Variants in LRRC7 observed in about 807,000 individuals in gnomAD.
LRRC7 encodes the protein leucine-rich repeat-containing protein 7.
In LRRC7, 23 loss-of-function variants were observed where a neutral mutation model predicts 175.7. That is an observed-to-expected ratio of 0.13 (90% confidence interval 0.09 to 0.19). LRRC7 has a LOEUF of 0.19. Among genes scored for constraint, LRRC7 ranks in the 10% least tolerant of loss-of-function variants. The pLI is 1.00. For missense variants in LRRC7, 1,354 were observed against 1,904.7 expected, an observed-to-expected ratio of 0.71 and a Z score of 5.38; for synonymous variants, 685 against 680.9, an observed-to-expected ratio of 1.01 and a Z score of -0.09.
chr1:69,940,891 C>T (rs1570742037), intron 8 of LRRC7, among the ~76,000 whole-genome samples: 4 of 151,942 alleles, frequency 2.6e-5, no homozygotes, highest in Non-Finnish European at 5.9e-5. Flanking sequence ...TTTCAGGTTT[C>T]ACAACAAACC....
chr1:70,071,775 G>A (rs1030182815), intron 23 of LRRC7, among the ~76,000 whole-genome samples: 4 of 152,166 alleles, frequency 2.6e-5, no homozygotes, highest in African/African-American at 4.8e-5. Flanking sequence ...GCAAGCCCAG[G>A]TGGTTCAAGA....
intron 1 of LRRC7, among the ~76,000 whole-genome samples, chr1:69,659,813 A>G (rs1657187821): frequency 6.6e-6 from 1 of 152,068 alleles, no homozygotes; most frequent in Admixed American, 6.6e-5. Flanking sequence ...ATGTAGATAT[A>G]TCTAAACATA....
At chr1:69,972,446 A>G (rs972259257) in intron 8 of LRRC7, among the ~76,000 whole-genome samples, 4 of 152,244 alleles carry the variant, frequency 2.6e-5, no homozygotes, top group African/African-American at 9.6e-5. Flanking sequence ...CCATCAAAAA[A>G]GTGGGCTAAG....
intron 1 of LRRC7, among the ~76,000 whole-genome samples, chr1:69,593,865 G>A (rs1044531185): frequency 1.3e-5 from 2 of 152,100 alleles, no homozygotes; most frequent in African/African-American, 4.8e-5. Context: ...AGCAGAGGCT[G>A]GGAACTTCTT....
At chr1:69,836,903 T>G (rs1421820106) in intron 6 of LRRC7, among the ~76,000 whole-genome samples, 1 of 150,834 alleles carries the variant, frequency 6.6e-6, no homozygotes, top group Non-Finnish European at 1.5e-5. Flanking sequence ...AGGAAAGAGA[T>G]CTACATGAAA....
At position 69,817,981 on chromosome 1, in the gene LRRC7, A is replaced by G. The variant is rs576321974; in HGVS notation, c.422-7767A>G. On this transcript the variant is annotated intron_variant, in intron 4 of 26. Coordinates refer to ENST00000651989, the MANE Select transcript of LRRC7 (RefSeq NM_001370785.2). ...ATGTTGATTTTGTAACTTGTGCTCT[A>G]CTAAATTTGCTTAATAGTTCTAATA... Among the ~76,000 whole-genome samples, 105 of 152,214 alleles carry G rather than the reference A, an allele frequency of 6.9e-4. 1 individual carries two copies. Among genetic ancestry groups the G allele is most frequent in the African/African-American group, 2.3e-3 (94 of 41,562 alleles).
At chr1:69,653,510 T>C (rs1425498216) in intron 1 of LRRC7, among the ~76,000 whole-genome samples, 6 of 152,044 alleles carry the variant, frequency 3.9e-5, no homozygotes, top group African/African-American at 1.4e-4. Context: ...AGAAAACTGT[T>C]AGCAGGGATG....
intron 8 of LRRC7, among the ~76,000 whole-genome samples, chr1:69,962,863 G>A (rs78754927): frequency 0.047 from 7,103 of 152,028 alleles, 172 homozygotes; most frequent in South Asian, 0.1. Flanking sequence ...CAGGAAAAAC[G>A]ACTAACGGAT....
At position 70,038,828 on chromosome 1, in the gene LRRC7, C is replaced by A. The variant is rs777857057; in HGVS notation, c.3004C>A (p.Pro1002Thr). Residue 1002 changes from proline (P) to threonine (T), a missense_variant, in exon 21 of 27, where the codon CCA becomes ACA. By Grantham distance (38) the Pro-to-Thr change is conservative. Transcript: ENST00000651989. ...TGGTACATATAAGGTGTATAACATACCATTAGAAAACTATGCTTCTGGGAG... is the reference window on the plus strand; with the variant it reads ...TGGTACATATAAGGTGTATAACATAACATTAGAAAACTATGCTTCTGGGAG... ...DIGTYKVYNI[P>T]LENYASGSDH... 10 of 1,613,844 alleles carry A rather than the reference C, an allele frequency of 6.2e-6. No individual in the cohort carries two copies. The highest frequency in any genetic ancestry group is 2.7e-5 in the African/African-American group (2 of 74,876).
Position 70,082,798 on chromosome 1 carries a change from T to C in LRRC7, c.4452+6500T>C, listed in dbSNP as rs1166521740. ...ACCAGTACATTTTTTTTTTTTTTTT[T>C]TTTTTTTTTTTTTTGAGACAAAGCC... is the stretch of plus-strand genomic sequence containing the variant. On this transcript the variant is annotated intron_variant, in intron 24 of 26. Coordinates refer to ENST00000651989, the MANE Select transcript of LRRC7 (RefSeq NM_001370785.2). 4.1e-3 allele frequency among the ~76,000 whole-genome samples: 467 copies of C among 114,326 alleles called. 33 individuals are homozygous for C. The highest frequency in any genetic ancestry group is 0.015 in the African/African-American group (436 of 29,758). The allele number at this position is 114,326 out of a possible 152,430, so 75.0% of individuals were successfully genotyped here. A position where few individuals can be genotyped will look rare whatever the true frequency, so the allele number is the denominator to read the frequency against.
chr1:69,909,180 G>A (rs561555098), intron 7 of LRRC7, among the ~76,000 whole-genome samples: 595 of 152,122 alleles, frequency 3.9e-3, no homozygotes, highest in African/African-American at 0.013. Context: ...CGTGAGATGG[G>A]TTTCCTGAAT....
At chr1:69,672,707 A>G (rs937855171) in intron 1 of LRRC7, among the ~76,000 whole-genome samples, 1 of 152,206 alleles carries the variant, frequency 6.6e-6, no homozygotes, top group African/African-American at 2.4e-5. Context: ...TATTTCAACT[A>G]GATTTTCATG....
chr1:70,008,878 C>G (rs184770789), intron 11 of LRRC7, among the ~76,000 whole-genome samples: 1 of 152,092 alleles, frequency 6.6e-6, no homozygotes, highest in African/African-American at 2.4e-5. Context: ...GTGACGTGAC[C>G]GGTCACTGAT....
intron 2 of LRRC7, among the ~76,000 whole-genome samples, chr1:69,725,444 G>T (rs1003204912): frequency 2.0e-4 from 31 of 152,208 alleles, no homozygotes; most frequent in African/African-American, 7.2e-4. Context: ...AAGCCAAAGA[G>T]AAATTTTAAA....
chr1:70,064,929 C>T (rs548923993), intron 23 of LRRC7, among the ~76,000 whole-genome samples: 1 of 151,934 alleles, frequency 6.6e-6, no homozygotes, highest in African/African-American at 2.4e-5. Context: ...CACTAGAGGC[C>T]TTTTCTTCAT....
At chr1:69,736,725 A>T (rs1668155429) in intron 2 of LRRC7, among the ~76,000 whole-genome samples, 1 of 152,120 alleles carries the variant, frequency 6.6e-6, no homozygotes, top group Admixed American at 6.6e-5. Context: ...TTGCTGCCTT[A>T]TCTGAGGAAA....
At chr1:69,974,115 A>G (rs1040634193) in intron 8 of LRRC7, among the ~76,000 whole-genome samples, 1 of 152,204 alleles carries the variant, frequency 6.6e-6, no homozygotes, top group Non-Finnish European at 1.5e-5. Context: ...GATTTGTGCT[A>G]TATAAATTTT....
At chr1:69,714,605 C>G (rs1176385193) in intron 2 of LRRC7, among the ~76,000 whole-genome samples, 3 of 152,086 alleles carry the variant, frequency 2.0e-5, no homozygotes, top group African/African-American at 7.2e-5. Context: ...AGTAGAAGGG[C>G]AGTCCTAGCG....
At chr1:69,690,605 G>A (rs1661735626) in intron 2 of LRRC7, among the ~76,000 whole-genome samples, 1 of 152,088 alleles carries the variant, frequency 6.6e-6, no homozygotes, top group Admixed American at 6.5e-5. Context: ...CTTCCCTGAT[G>A]CCTCTCCTCC....
Sources: gnomAD v4.1 joint callset for allele counts (sites outside exome capture counted in the v4.1 genomes callset) on GRCh38, gnomAD v4.1.1 for gene constraint, MANE v1.5 for transcripts, NCBI Gene and HGNC (gene_info 2026-07-23, HGNC 2026-07-21) for gene names.